PHACTR2: variants seen among roughly 807,000 people sequenced by gnomAD.
PHACTR2 encodes phosphatase and actin regulator 2.
In PHACTR2, 30 loss-of-function variants were observed where a neutral mutation model predicts 76.0. The observed-to-expected ratio is 0.39, with a 90% CI of 0.30 to 0.54. PHACTR2 has a LOEUF of 0.54. Among genes scored for constraint, PHACTR2 ranks in the 20% least tolerant of loss-of-function variants. PHACTR2 has a pLI of 0.61. For missense variants in PHACTR2, 696 were observed against 781.1 expected (o/e 0.89, Z 1.30); for synonymous variants, 292 against 292.5 (o/e 1.00, Z 0.02).
intron 1 of PHACTR2, among the ~76,000 whole-genome samples, chr6:143,612,339 A>T (rs1035732074): frequency 1.3e-5 from 2 of 152,228 alleles, no homozygotes; most frequent in Non-Finnish European, 2.9e-5. Context: ...GCTGGTTCAA[A>T]ACCTTAGCAG....
chr6:143,767,080 T>C lies in PHACTR2; in HGVS notation c.1232+1282T>C, dbSNP rs1779579281. The stretch of plus-strand genomic sequence containing the variant: ...GAAACTAAAATATCAACTTTAATTC[T>C]TTAATTGCTAATGATAATAACCTTT... On this transcript the variant is annotated intron_variant, in intron 6 of 12. Coordinates refer to ENST00000440869, the MANE Select transcript of PHACTR2 (RefSeq NM_001100164.2). The surrounding 1 kb of genome is among the most constrained non-coding windows in gnomAD (Gnocchi z 4.4). Among the ~76,000 whole-genome samples, 1 of 152,256 alleles carries C rather than the reference T, an allele frequency of 6.6e-6. No individual in the cohort carries two copies. The highest frequency in any genetic ancestry group is 1.5e-5 in the Non-Finnish European group (1 of 68,046).
chr6:143,682,790 G>GTT (rs71024869), intron 1 of PHACTR2, among the ~76,000 whole-genome samples: 30 of 148,876 alleles, frequency 2.0e-4, no homozygotes, highest in Non-Finnish European at 2.5e-4. Flanking sequence ...TTTGTTTTTT[G>GTT]TTTTTTTTTA....
At chr6:143,651,540 G>A (rs1328742221) in intron 1 of PHACTR2, among the ~76,000 whole-genome samples, 1 of 152,202 alleles carries the variant, frequency 6.6e-6, no homozygotes, top group Non-Finnish European at 1.5e-5. Flanking sequence ...GTCCTTTGCA[G>A]AGACATGATG....
At chr6:143,704,471 T>C (rs1002764040) in intron 1 of PHACTR2, among the ~76,000 whole-genome samples, 1 of 152,018 alleles carries the variant, frequency 6.6e-6, no homozygotes, top group African/African-American at 2.4e-5. Flanking sequence ...ACTTCCTCAC[T>C]CCTAAGAAAA....
chr6:143,778,022 G>C (rs1279493476), intron 9 of PHACTR2, among the ~76,000 whole-genome samples: 1 of 152,164 alleles, frequency 6.6e-6, no homozygotes. Context: ...GTATGTTAAA[G>C]CTATAAAGCT....
rs756721298 is a variant in PHACTR2, at chr6:143,697,051, G to A, written c.47-14965G>A. ...CAAGGTAGTTCTACCTTGTAGTTCC[G>A]ATATATTTAGTTAATTGAAAGCCTA... is the stretch of plus-strand genomic sequence containing the variant. On this transcript the variant is annotated intron_variant, in intron 1 of 12. Transcript: ENST00000440869. The surrounding 1 kb of genome is among the most constrained non-coding windows in gnomAD (Gnocchi z 4.4). 1.3e-5 allele frequency among the ~76,000 whole-genome samples: 2 copies of A among 152,252 alleles called. No homozygotes were observed. Among genetic ancestry groups the A allele is most frequent in the Non-Finnish European group, 2.9e-5 (2 of 68,016 alleles).
In PHACTR2 at chr6:143,672,091, TTAA is replaced by T. The variant is rs1178674367; in HGVS notation, c.14-39924_14-39922del. Among the ~76,000 whole-genome samples the T allele has an allele frequency of 1.3e-5, 2 of 152,176 alleles. No homozygotes were observed. The highest frequency in any genetic ancestry group is 2.9e-5 in the Non-Finnish European group (2 of 68,020). On this transcript the variant is annotated intron_variant, in intron 1 of 11. Coordinates refer to the PHACTR2 transcript ENST00000305766. The surrounding 1 kb of genome is among the most constrained non-coding windows in gnomAD (Gnocchi z 5.8). ...GTGGTACAGGGATGTGAAACAGGAATTAACTGCAAAAGGACATGATGGAATACC... is the reference window on the plus strand; with the variant it reads ...GTGGTACAGGGATGTGAAACAGGAATCTGCAAAAGGACATGATGGAATACC...
At chr6:143,748,774 C>T (rs1182461590) in intron 2 of PHACTR2, among the ~76,000 whole-genome samples, 2 of 152,254 alleles carry the variant, frequency 1.3e-5, no homozygotes, top group Admixed American at 1.3e-4. Context: ...CCAGGGATGG[C>T]GGTTGGACTT....
chr6:143,719,904 C>T (rs1001918608), intron 2 of PHACTR2, among the ~76,000 whole-genome samples: 3 of 148,694 alleles, frequency 2.0e-5, no homozygotes, highest in African/African-American at 7.5e-5. Context: ...CTCCACCTCC[C>T]AGGTTCAAGC....
rs898185912 is a variant in PHACTR2 at position 143,823,247 on chromosome 6, T to A, written c.1923-427T>A. On this transcript the variant is annotated intron_variant, in intron 12 of 12. Coordinates refer to ENST00000440869, the MANE Select transcript of PHACTR2 (RefSeq NM_001100164.2). The surrounding 1 kb of genome is among the most constrained non-coding windows in gnomAD (Gnocchi z 5.7). ...ATTTGGAGTCGTCAGCAGGAGATGA[T>A]GAGAGGCTGAAGCTAATGAAAAAGT... Among the ~76,000 whole-genome samples, 4 of 152,190 alleles carry A rather than the reference T, an allele frequency of 2.6e-5. No homozygotes were observed. The highest frequency in any genetic ancestry group is 9.7e-5 in the African/African-American group (4 of 41,444).
At chr6:143,586,246 G>A (rs1775628433) in intron 1 of PHACTR2, among the ~76,000 whole-genome samples, 1 of 152,154 alleles carries the variant, frequency 6.6e-6, no homozygotes, top group African/African-American at 2.4e-5. Flanking sequence ...GTAACTAATA[G>A]TCCTGCTGTA....
intron 11 of PHACTR2, among the ~76,000 whole-genome samples, chr6:143,805,064 A>G (rs1391288420): frequency 6.6e-6 from 1 of 152,238 alleles, no homozygotes; most frequent in Non-Finnish European, 1.5e-5. Context: ...AGCCAAGACT[A>G]GAATCCCTGC....
chr6:143,762,524 A>T (rs1437631509), intron 5 of PHACTR2, among the ~76,000 whole-genome samples: 1 of 152,204 alleles, frequency 6.6e-6, no homozygotes, highest in Non-Finnish European at 1.5e-5. Flanking sequence ...TCATGTAAGA[A>T]TCGTTTTATC....
At chr6:143,607,587 C>G (rs571550606), upstream of PHACTR2, among the ~76,000 whole-genome samples, 1 of 152,268 alleles carries the variant, frequency 6.6e-6, no homozygotes, top group African/African-American at 2.4e-5. Flanking sequence ...TTGAATTTCT[C>G]TGTTAGGATA....
rs368512280 is a variant in PHACTR2 at position 143,787,357 on chromosome 6, A to G, written c.1708-1416A>G. ...TGCCCCAAAGTGGCAGCAAGAAGCTAGCAATATAGATTGGACAGCAACTAG... is the reference window on the plus strand; with the variant it reads ...TGCCCCAAAGTGGCAGCAAGAAGCTGGCAATATAGATTGGACAGCAACTAG... On this transcript the variant is annotated intron_variant, in intron 10 of 12. Transcript: ENST00000440869. The surrounding 1 kb of genome is among the most constrained non-coding windows in gnomAD (Gnocchi z 4.6). Among the ~76,000 whole-genome samples, 141 of 152,330 alleles carry G rather than the reference A, an allele frequency of 9.3e-4. 1 individual carries two copies. The highest frequency in any genetic ancestry group is 3.2e-3 in the African/African-American group (134 of 41,580).
intron 1 of PHACTR2, chr6:143,555,066 G>A (rs549296212): frequency 2.3e-4 from 35 of 152,170 alleles, no homozygotes; most frequent in South Asian, 2.1e-4. Context: ...ATACACATAC[G>A]GAGGATTTAC....
In PHACTR2 at chr6:143,793,910, C is replaced by T. The variant is rs1429661795; in HGVS notation, c.1845+5000C>T. ...TGGGCAACAGAGCTAGACCTTATCT[C>T]AAAATAAATAAATAAATAAATAATA... On this transcript the variant is annotated intron_variant, in intron 11 of 12. Transcript: ENST00000440869. The surrounding 1 kb of genome is among the most constrained non-coding windows in gnomAD (Gnocchi z 4.4). 1.3e-5 allele frequency among the ~76,000 whole-genome samples: 2 copies of T among 150,718 alleles called. No individual in the cohort carries two copies. The highest frequency in any genetic ancestry group is 4.9e-5 in the African/African-American group (2 of 40,852).
At chr6:143,810,110 C>T (rs184256839) in intron 12 of PHACTR2, among the ~76,000 whole-genome samples, 44 of 150,206 alleles carry the variant, frequency 2.9e-4, no homozygotes, top group Non-Finnish European at 5.3e-4. Context: ...AATCCTGTCT[C>T]GAAAAAAAAA....
rs1399365141 is a variant in PHACTR2 at position 143,789,088 on chromosome 6, T to G, written c.1845+178T>G. The stretch of plus-strand genomic sequence containing the variant: ...ACATTTAGTGATATCAATGTAGTTC[T>G]TTCAACTAAGTCTCAGAGAAAAGTA... On this transcript the variant is annotated intron_variant, in intron 11 of 12. Coordinates refer to ENST00000440869, the MANE Select transcript of PHACTR2 (RefSeq NM_001100164.2). The surrounding 1 kb of genome is among the most constrained non-coding windows in gnomAD (Gnocchi z 5.1). 6.1e-6 allele frequency: 3 copies of G among 493,298 alleles called. No individual in the cohort carries two copies. The highest frequency in any genetic ancestry group is 5.7e-5 in the African/African-American group (3 of 52,962). 30.6% of individuals were successfully genotyped at this position (493,298 alleles called of 1,614,324 possible). A position where few individuals can be genotyped will look rare whatever the true frequency, so the allele number is the denominator to read the frequency against.
Sources: gnomAD v4.1 joint callset for allele counts (sites outside exome capture counted in the v4.1 genomes callset) on GRCh38, gnomAD v4.1.1 for gene constraint, Gnocchi (gnomAD v3.1) non-coding constraint, MANE v1.5 for transcripts, NCBI Gene and HGNC (gene_info 2026-07-23, HGNC 2026-07-21) for gene names.